The following RFC3 variants were observed in gnomAD, a reference collection of about 807,000 sequenced individuals.
RFC3 encodes the protein A1 38 kDa subunit.
Under a neutral mutation model 45.1 loss-of-function variants are expected in RFC3, and 41 were observed. The ratio of observed to expected loss-of-function variants is 0.91; its 90% CI spans 0.71 to 1.18. The LOEUF (loss-of-function observed/expected upper bound fraction) is 1.18. Ranked by LOEUF, RFC3 falls within the 50% of genes most tolerant of loss-of-function variation. The pLI, the probability that RFC3 is intolerant of heterozygous loss-of-function variation, is 0.00. For synonymous variants in RFC3, 149 were observed against 144.0 expected (o/e 1.03, Z -0.25); for missense variants, 423 against 428.1 (o/e 0.99, Z 0.10).
chr13:33,911,584 G>A (rs2082704001), intron 8 of RFC3, among the ~76,000 whole-genome samples: 1 of 152,064 alleles, frequency 6.6e-6, no homozygotes, highest in African/African-American at 2.4e-5. Context: ...CACCTGATCA[G>A]CTTTCGGTGA....
chr13:33,931,176 T>C (rs566768693), intron 8 of RFC3, among the ~76,000 whole-genome samples: 1 of 152,182 alleles, frequency 6.6e-6, no homozygotes, highest in South Asian at 2.1e-4. Context: ...CAGATCAAAA[T>C]AGAATTTTCA....
intron 8 of RFC3, among the ~76,000 whole-genome samples, chr13:33,877,080 A>G (rs1395362043): frequency 6.6e-6 from 1 of 152,214 alleles, no homozygotes; most frequent in Non-Finnish European, 1.5e-5. Flanking sequence ...AAATCAGGCT[A>G]AGTGCTTACA....
intron 8 of RFC3, among the ~76,000 whole-genome samples, chr13:33,903,270 A>C (rs1433226121): frequency 6.6e-6 from 1 of 152,098 alleles, no homozygotes; most frequent in Admixed American, 6.6e-5. Flanking sequence ...TCTGTGGTAT[A>C]AATACTCCTA....
In RFC3 at chr13:33,821,223, A is replaced by G. The variant is rs377157774; in HGVS notation, c.179A>G (p.Tyr60Cys). Residue 60 changes from tyrosine (Y) to cysteine (C), a missense_variant, in exon 2 of 9, where the codon TAT becomes TGT. Tyr to Cys is a radical substitution (Grantham distance 194, BLOSUM62 -2). Coordinates refer to ENST00000380071, the MANE Select transcript of RFC3 (RefSeq NM_002915.4). ...TRIMCILREL[Y>C]GVGVEKLRIE... Reference sequence around the variant, plus strand: ...ATTATGTGTATTCTACGTGAACTTTATGGTGTTGGAGTGGAAAAATTGAGA... The same window carrying G: ...ATTATGTGTATTCTACGTGAACTTTGTGGTGTTGGAGTGGAAAAATTGAGA... The G allele has an allele frequency of 1.3e-5, 21 of 1,613,560 alleles. No homozygotes were observed. The highest frequency in any genetic ancestry group is 1.6e-5 in the Non-Finnish European group (19 of 1,179,724).
intron 4 of RFC3, among the ~76,000 whole-genome samples, chr13:33,828,118 C>T (rs924200172): frequency 2.0e-5 from 3 of 151,792 alleles, no homozygotes; most frequent in Admixed American, 6.6e-5. Context: ...ACTGCACTCC[C>T]GCCTGGGTGA....
chr13:33,889,649 G>T (rs1367601090), intron 8 of RFC3, among the ~76,000 whole-genome samples: 1 of 152,154 alleles, frequency 6.6e-6, no homozygotes, highest in Non-Finnish European at 1.5e-5. Context: ...TAGAGCACCA[G>T]AAATTTTTCT....
intron 8 of RFC3, among the ~76,000 whole-genome samples, chr13:33,926,247 T>C (rs1189068840): frequency 6.7e-6 from 1 of 149,646 alleles, no homozygotes; most frequent in African/African-American, 2.5e-5. Flanking sequence ...CTGGGAGATA[T>C]ACCTAATGCT....
intron 8 of RFC3, among the ~76,000 whole-genome samples, chr13:33,885,239 A>G (rs1269003158): frequency 6.6e-6 from 1 of 152,228 alleles, no homozygotes; most frequent in Non-Finnish European, 1.5e-5. Flanking sequence ...ACATCATAGA[A>G]TAATATCATA....
downstream of RFC3, among the ~76,000 whole-genome samples, chr13:33,839,271 C>T (rs1226835143): frequency 6.6e-6 from 1 of 152,172 alleles, no homozygotes; most frequent in Non-Finnish European, 1.5e-5. Flanking sequence ...TGGCCATGAA[C>T]TAGGCCTGCA....
chr13:33,909,539 T>C (rs1190060213), intron 8 of RFC3, among the ~76,000 whole-genome samples: 1 of 152,024 alleles, frequency 6.6e-6, no homozygotes, highest in African/African-American at 2.4e-5. Context: ...CTGTTACCCC[T>C]CTCTCTCTTC....
chr13:33,861,723 A>G (rs998143091), intron 8 of RFC3, among the ~76,000 whole-genome samples: 2 of 152,112 alleles, frequency 1.3e-5, no homozygotes, highest in African/African-American at 2.4e-5. Flanking sequence ...TTCAATGGCA[A>G]GGAGGTAGTT....
At chr13:33,961,076 G>A (rs1268533660) in intron 8 of RFC3, among the ~76,000 whole-genome samples, 1 of 152,168 alleles carries the variant, frequency 6.6e-6, no homozygotes, top group Admixed American at 6.5e-5. Flanking sequence ...TAAATGGGAG[G>A]TATTTATACT....
At chr13:33,876,549 C>T (rs2082448235) in intron 8 of RFC3, among the ~76,000 whole-genome samples, 1 of 152,088 alleles carries the variant, frequency 6.6e-6, no homozygotes. Flanking sequence ...TTCCCTTTTA[C>T]TTGAATTTTA....
At chr13:33,964,846 C>G (rs1455948403) in intron 8 of RFC3, among the ~76,000 whole-genome samples, 5 of 152,098 alleles carry the variant, frequency 3.3e-5, no homozygotes, top group African/African-American at 1.2e-4. Context: ...ATAAGATCAC[C>G]CTGGCTTATA....
At chr13:33,928,639 A>G (rs1249212448) in intron 8 of RFC3, among the ~76,000 whole-genome samples, 2 of 152,088 alleles carry the variant, frequency 1.3e-5, no homozygotes, top group Non-Finnish European at 2.9e-5. Context: ...GCATAGGTGG[A>G]TGTGTGCTAG....
At chr13:33,904,328 G>A (rs1053476934) in intron 8 of RFC3, among the ~76,000 whole-genome samples, 6 of 151,962 alleles carry the variant, frequency 3.9e-5, no homozygotes, top group Admixed American at 2.0e-4. Flanking sequence ...GGCACCACTC[G>A]TTTTTTGATT....
Position 33,881,989 on chromosome 13 carries a change from T to C in RFC3, c.879+46772T>C, listed in dbSNP as rs532206070. 2.0e-5 allele frequency among the ~76,000 whole-genome samples: 3 copies of C among 152,366 alleles called. 1 individual carries two copies. In the South Asian group the frequency reaches 6.2e-4, roughly 32 times the overall value. On this transcript the variant is annotated intron_variant, in intron 8 of 8. Transcript: ENST00000434425. ...TTACTGGCTTGAGGGTTTTTAAAAA[T>C]AAGTGTAAATTATTTAACCTGTTTG... is the stretch of plus-strand genomic sequence containing the variant.
chr13:33,838,918 C>T (rs2082177350), downstream of RFC3, among the ~76,000 whole-genome samples: 1 of 151,888 alleles, frequency 6.6e-6, no homozygotes. Context: ...TCATGGATTG[C>T]TTAGATGTCA....
intron 8 of RFC3, among the ~76,000 whole-genome samples, chr13:33,876,595 A>G (rs1442072025): frequency 6.6e-6 from 1 of 152,246 alleles, no homozygotes; most frequent in Non-Finnish European, 1.5e-5. Flanking sequence ...TTAAATTAAT[A>G]TAATCACTTA....
Sources: gnomAD v4.1 joint callset for allele counts (sites outside exome capture counted in the v4.1 genomes callset) on GRCh38, gnomAD v4.1.1 for gene constraint, MANE v1.5 for transcripts, NCBI Gene and HGNC (gene_info 2026-07-23, HGNC 2026-07-21) for gene names.